The following RAD9B variants were observed in gnomAD, a reference collection of about 807,000 sequenced individuals.
The protein encoded by RAD9B is RAD9 checkpoint clamp component B, also known as cell cycle checkpoint control protein RAD9B.
A neutral mutation model predicts 48.3 loss-of-function variants in RAD9B; 41 were observed. The observed-to-expected ratio is 0.85, with a 90% CI of 0.66 to 1.10. The LOEUF is 1.10. Among genes scored for constraint, RAD9B ranks in the 50% least tolerant of loss-of-function variants. The pLI is 0.00. For synonymous variants in RAD9B, 160 were observed against 157.9 expected (o/e 1.01, Z -0.10); for missense variants, 444 against 485.1 (o/e 0.92, Z 0.80).
At chr12:110,520,684 T>TCAA (rs2063759809) in intron 9 of RAD9B, among the ~76,000 whole-genome samples, 2 of 135,282 alleles carry the variant, frequency 1.5e-5, no homozygotes, top group South Asian at 5.1e-4. Flanking sequence ...AGAATCTCAC[T>TCAA]CTGTTGCCCA....
At chr12:110,514,588 C>A (rs1417653376) in intron 5 of RAD9B, among the ~76,000 whole-genome samples, 1 of 152,140 alleles carries the variant, frequency 6.6e-6, no homozygotes, top group Non-Finnish European at 1.5e-5. Context: ...AGGTAACAGT[C>A]GAGGAAAGGA....
At position 110,522,224 on chromosome 12, in the gene RAD9B, C is replaced by T; in HGVS notation, c.938C>T (p.Ala313Val). 2 of 1,605,160 alleles carry T rather than the reference C, an allele frequency of 1.2e-6. No homozygotes were observed. Among genetic ancestry groups the T allele is most frequent in the Non-Finnish European group, 1.7e-6 (2 of 1,175,854 alleles). The change falls in exon 10 of 11, where the codon GCC (alanine) becomes GTC (valine). Residue 313 changes from alanine (A) to valine (V), a missense_variant. By Grantham distance (64) the Ala-to-Val change is moderately conservative. Coordinates refer to ENST00000409300, the MANE Select transcript of RAD9B (RefSeq NM_001286535.2). The stretch of plus-strand genomic sequence containing the variant: ...GCTGGCAAAAATGTAACTGGCCAGG[C>T]CCTGGAATGTATTTCAAAAAAAGCA... ...KKAGKNVTGQ[A>V]LECISKKAAP...
At chr12:110,518,074 C>A (rs1156636050) in intron 6 of RAD9B, among the ~76,000 whole-genome samples, 3 of 151,898 alleles carry the variant, frequency 2.0e-5, no homozygotes, top group African/African-American at 7.3e-5. Context: ...GCCTGTAGTC[C>A]CAGCAACTCG....
At chr12:110,527,284 C>T (rs1322421491) in intron 10 of RAD9B, among the ~76,000 whole-genome samples, 4 of 152,198 alleles carry the variant, frequency 2.6e-5, no homozygotes, top group African/African-American at 9.6e-5. Context: ...TTCTATGGAT[C>T]GCTGTGATTA....
At chr12:110,525,915 C>T (rs927251484) in intron 10 of RAD9B, among the ~76,000 whole-genome samples, 11 of 152,314 alleles carry the variant, frequency 7.2e-5, no homozygotes, top group African/African-American at 2.6e-4. Context: ...TGGTCTTGAA[C>T]TCCTGACCTC....
chr12:110,518,695 C>T lies in RAD9B; in HGVS notation c.615C>T (p.His205=), dbSNP rs2063682191. 1 of 1,605,404 alleles carries T rather than the reference C, an allele frequency of 6.2e-7. No homozygotes were observed. Among genetic ancestry groups the T allele is most frequent in the Non-Finnish European group, 8.5e-7 (1 of 1,173,336 alleles). Reference sequence around the variant, plus strand: ...AAACAGATTTGAGCAATGCTGTACACAGTGAGATGTTTGTTGGCTCAGATG... The same window carrying T: ...AAACAGATTTGAGCAATGCTGTACATAGTGAGATGTTTGTTGGCTCAGATG... The part of the protein sequence containing the change: ...EESMDLSNAV[H]SEMFVGSDEF... The change falls in exon 7 of 11, where the codon CAC becomes CAT. Residue 205 remains histidine (H), a synonymous_variant. Transcript: ENST00000409300.
intron 4 of RAD9B, among the ~76,000 whole-genome samples, chr12:110,509,665 G>A (rs2063403905): frequency 6.6e-6 from 1 of 152,148 alleles, no homozygotes; most frequent in African/African-American, 2.4e-5. Context: ...AAGAAAACAA[G>A]TAGCAAGAAT....
At chr12:110,526,864 AT>A (rs1237323595) in intron 10 of RAD9B, among the ~76,000 whole-genome samples, 2 of 150,314 alleles carry the variant, frequency 1.3e-5, no homozygotes, top group Non-Finnish European at 3.0e-5. Flanking sequence ...AGCTGAGATC[AT>A]GCCACCGCAC....
At position 110,532,283 on chromosome 12, in the gene RAD9B, A is replaced by G. The variant is rs1176835172; in HGVS notation, c.*1630A>G. ...GCCTACACAGGGAGCTTTTATACAC[A>G]AAAGTAACTCTGTAGGTCTCTTTGC... On this transcript the variant is annotated 3_prime_UTR_variant, in exon 11 of 11. Transcript: ENST00000409300. Among the ~76,000 whole-genome samples, 54 of 152,226 alleles carry G rather than the reference A, an allele frequency of 3.5e-4. 1 individual carries two copies. Among genetic ancestry groups the G allele is most frequent in the Admixed American group, 3.5e-3 (54 of 15,284 alleles).
intron 10 of RAD9B, among the ~76,000 whole-genome samples, chr12:110,525,525 A>C (rs934887600): frequency 4.6e-5 from 7 of 152,142 alleles, no homozygotes; most frequent in Non-Finnish European, 7.4e-5. Context: ...TTTTGGTAAG[A>C]ATTCAACAGA....
chr12:110,514,140 T>C (rs1054643705), intron 5 of RAD9B, among the ~76,000 whole-genome samples: 1 of 152,118 alleles, frequency 6.6e-6, no homozygotes, highest in African/African-American at 2.4e-5. Flanking sequence ...TGGTATCTTG[T>C]ATAACTGCCC....
At chr12:110,524,412 A>G (rs1198237240) in intron 10 of RAD9B, among the ~76,000 whole-genome samples, 2 of 151,956 alleles carry the variant, frequency 1.3e-5, no homozygotes, top group African/African-American at 4.8e-5. Flanking sequence ...AAATACAAAA[A>G]TAAGCTGGGC....
chr12:110,527,662 CTTG>C (rs2063988305), intron 10 of RAD9B, among the ~76,000 whole-genome samples: 1 of 152,200 alleles, frequency 6.6e-6, no homozygotes, highest in African/African-American at 2.4e-5. Context: ...GCTTCCTCAA[CTTG>C]TTTAGAGACT....
intron 4 of RAD9B, among the ~76,000 whole-genome samples, chr12:110,509,125 C>T (rs556139145): frequency 1.1e-4 from 17 of 152,192 alleles, no homozygotes; most frequent in Admixed American, 3.3e-4. Flanking sequence ...CCACCATGCC[C>T]GGCTAACTTT....
At chr12:110,526,599 T>TA (rs2063944032) in intron 10 of RAD9B, among the ~76,000 whole-genome samples, 1 of 152,160 alleles carries the variant, frequency 6.6e-6, no homozygotes. Flanking sequence ...CTAGACTCTT[T>TA]AGAGGCAATT....
At chr12:110,502,522 C>T in intron 1 of RAD9B, 139 bp downstream of exon 1, 1 of 920,852 alleles carries the variant, frequency 1.1e-6, no homozygotes, top group Non-Finnish European at 1.7e-6. Context: ...CAGCCCCACC[C>T]ACTCAAGTCC....
chr12:110,514,919 T>C (rs1459149013), intron 5 of RAD9B, 131 bp from the exon 6 acceptor site: 1 of 571,514 alleles, frequency 1.7e-6, no homozygotes, highest in Admixed American at 3.4e-5. Context: ...GGTAGGAGTT[T>C]GGGTAAATTT....
chr12:110,527,542 A>G (rs987929382), intron 10 of RAD9B, among the ~76,000 whole-genome samples: 2 of 152,160 alleles, frequency 1.3e-5, no homozygotes, highest in African/African-American at 4.8e-5. Flanking sequence ...TGACCCAAGA[A>G]CAGGGCTCAT....
chr12:110,532,859 T>C lies in RAD9B; in HGVS notation c.*2206T>C, dbSNP rs2064174610. Among the ~76,000 whole-genome samples the C allele has an allele frequency of 6.6e-6, 1 of 152,214 alleles. No homozygotes were observed. Among genetic ancestry groups the C allele is most frequent in the African/African-American group, 2.4e-5 (1 of 41,460 alleles). ...AGGCTATTCATATAGCCCAGATGTGTAGTAGGCTAGACCATCTAGGCTTGT... is the reference window on the plus strand; with the variant it reads ...AGGCTATTCATATAGCCCAGATGTGCAGTAGGCTAGACCATCTAGGCTTGT... On this transcript the variant is annotated 3_prime_UTR_variant, in exon 11 of 11. Transcript: ENST00000409300.
Sources: gnomAD v4.1 joint callset for allele counts (sites outside exome capture counted in the v4.1 genomes callset) on GRCh38, gnomAD v4.1.1 for gene constraint, MANE v1.5 for transcripts, NCBI Gene and HGNC (gene_info 2026-07-23, HGNC 2026-07-21) for gene names.